The following CYP2C8 variants were observed in gnomAD, a reference collection of about 807,000 sequenced individuals.
CYP2C8 encodes cytochrome P450 2C8.
Under a neutral mutation model 41.3 loss-of-function variants are expected in CYP2C8, and 51 were observed. The observed-to-expected ratio is 1.24, with a 90% CI of 0.99 to 1.56. The LOEUF (loss-of-function observed/expected upper bound fraction) is 1.56, where lower values mean the gene tolerates loss of function less well. CYP2C8 is among the 40% of genes most tolerant of loss of function. CYP2C8 has a pLI of 0.00. For missense variants in CYP2C8, 651 were observed against 579.9 expected (o/e 1.12, Z -1.26); for synonymous variants, 218 against 205.8 (o/e 1.06, Z -0.51).
intron 2 of CYP2C8, 66 bp from the exon 3 acceptor site, chr10:95,067,423 G>A: frequency 6.2e-7 from 1 of 1,613,168 alleles, no homozygotes; most frequent in Non-Finnish European, 8.5e-7. Context: ...GCAACACTTG[G>A]CAGCCATGCA....
chr10:95,036,897 A>G lies in CYP2C8; in HGVS notation c.*231T>C, dbSNP rs910512752. 2 of 548,430 alleles carry G rather than the reference A, an allele frequency of 3.6e-6. No individual in the cohort carries two copies. Among genetic ancestry groups the G allele is most frequent in the Non-Finnish European group, 6.6e-6 (2 of 305,214 alleles). The allele number at this position is 548,430 out of a possible 1,614,324, so 34.0% of individuals were successfully genotyped here. A position where few individuals can be genotyped will look rare whatever the true frequency, so the allele number is the denominator to read the frequency against. On this transcript the variant is annotated 3_prime_UTR_variant, in exon 9 of 9. Transcript: ENST00000371270. ...CATATTAAAAAGTCAGCATTAGAAA[A>G]GTATTAGCATATGCAGCAATTAATA...
intron 8 of CYP2C8, among the ~76,000 whole-genome samples, chr10:95,038,479 G>C (rs1227284450): frequency 6.6e-6 from 1 of 152,166 alleles, no homozygotes; most frequent in Non-Finnish European, 1.5e-5. Flanking sequence ...TGTTCTCATT[G>C]AAAGTTGTGC....
chr10:95,065,329 C>T (rs1015769195), intron 3 of CYP2C8, among the ~76,000 whole-genome samples: 3 of 152,032 alleles, frequency 2.0e-5, no homozygotes, highest in African/African-American at 4.8e-5. Context: ...CAATAAAACA[C>T]AGAGATAGGA....
intron 4 of CYP2C8, among the ~76,000 whole-genome samples, 196 bp from the exon 5 acceptor site, chr10:95,058,707 A>G (rs921747224): frequency 6.6e-6 from 1 of 152,166 alleles, no homozygotes; most frequent in African/African-American, 2.4e-5. Flanking sequence ...GGTTTGTCAC[A>G]TATGTATACA....
intron 7 of CYP2C8, among the ~76,000 whole-genome samples, chr10:95,040,755 G>GA (rs888134182): frequency 6.6e-6 from 1 of 152,140 alleles, no homozygotes; most frequent in African/African-American, 2.4e-5. Flanking sequence ...ATACATTCTG[G>GA]AAAAAGATAA....
At chr10:95,056,626 G>C (rs1038079681) in intron 5 of CYP2C8, among the ~76,000 whole-genome samples, 9 of 152,150 alleles carry the variant, frequency 5.9e-5, no homozygotes, top group Admixed American at 4.6e-4. Context: ...ATATCATTAT[G>C]CTAAGTGAAA....
chr10:95,057,327 T>G (rs1474205121), intron 5 of CYP2C8, among the ~76,000 whole-genome samples: 1 of 152,186 alleles, frequency 6.6e-6, no homozygotes, highest in Non-Finnish European at 1.5e-5. Context: ...AAGTGTACAC[T>G]TTAAATTGGG....
intron 1 of CYP2C8, chr10:95,068,590 C>A: frequency 1.9e-5 from 24 of 1,288,650 alleles, no homozygotes; most frequent in Non-Finnish European, 2.3e-5. Flanking sequence ...TAATCACACA[C>A]ACTTCCCTTC....
chr10:95,059,997 G>T (rs36180793), intron 4 of CYP2C8, among the ~76,000 whole-genome samples: 1 of 151,884 alleles, frequency 6.6e-6, no homozygotes, highest in East Asian at 1.9e-4. Context: ...TGTTCCATTG[G>T]TCTATATCTC....
chr10:95,060,319 T>A (rs2033401038), intron 4 of CYP2C8, among the ~76,000 whole-genome samples: 1 of 152,206 alleles, frequency 6.6e-6, no homozygotes, highest in Non-Finnish European at 1.5e-5. Context: ...TTTATTTTGT[T>A]GAGCAGTTGT....
At chr10:95,068,555 T>C in intron 1 of CYP2C8, 1 of 1,266,202 alleles carries the variant, frequency 7.9e-7, no homozygotes, top group Non-Finnish European at 1.0e-6. Flanking sequence ...ACTACTATAG[T>C]AGAGAACTTA....
chr10:95,064,996 A>G (rs1260998597), intron 3 of CYP2C8, 36 bp from the exon 4 acceptor site: 2 of 1,381,516 alleles, frequency 1.4e-6, no homozygotes, highest in Non-Finnish European at 9.5e-7. Context: ...AATTATTAAA[A>G]AATAAATATT....
At chr10:95,041,134 T>G (rs193089188) in intron 7 of CYP2C8, among the ~76,000 whole-genome samples, 2 of 152,182 alleles carry the variant, frequency 1.3e-5, no homozygotes, top group African/African-American at 4.8e-5. Context: ...GAGAATCAAT[T>G]TGATAAAATT....
At chr10:95,050,130 C>T (rs185725169) in intron 5 of CYP2C8, among the ~76,000 whole-genome samples, 1 of 152,106 alleles carries the variant, frequency 6.6e-6, no homozygotes, top group African/African-American at 2.4e-5. Context: ...TGTACAGGGT[C>T]TGTATTCTGC....
chr10:95,047,032 G>A (rs2033122405), intron 5 of CYP2C8, among the ~76,000 whole-genome samples: 1 of 152,156 alleles, frequency 6.6e-6, no homozygotes, highest in African/African-American at 2.4e-5. Flanking sequence ...CTGATAATAA[G>A]TGAGTTCACA....
chr10:95,056,914 A>G (rs1335061984), intron 5 of CYP2C8, among the ~76,000 whole-genome samples: 6 of 152,180 alleles, frequency 3.9e-5, no homozygotes, highest in Non-Finnish European at 5.9e-5. Context: ...ACTCAGAGGT[A>G]GAAGAAAACA....
intron 5 of CYP2C8, among the ~76,000 whole-genome samples, chr10:95,052,055 A>G (rs1473858295): frequency 6.6e-6 from 1 of 152,120 alleles, no homozygotes; most frequent in Non-Finnish European, 1.5e-5. Flanking sequence ...AAGAAAGCTG[A>G]CAAACCTTTA....
chr10:95,044,247 G>T (rs1479116471), intron 6 of CYP2C8, among the ~76,000 whole-genome samples: 1 of 152,142 alleles, frequency 6.6e-6, no homozygotes, highest in Non-Finnish European at 1.5e-5. Flanking sequence ...AAAATTTGTA[G>T]CAACCATGTA....
intron 5 of CYP2C8, among the ~76,000 whole-genome samples, chr10:95,049,018 A>G (rs1239220614): frequency 6.6e-6 from 1 of 152,200 alleles, no homozygotes; most frequent in African/African-American, 2.4e-5. Flanking sequence ...AATGACAAGC[A>G]GAGTAAACAT....
Sources: gnomAD v4.1 joint callset for allele counts (sites outside exome capture counted in the v4.1 genomes callset) on GRCh38, gnomAD v4.1.1 for gene constraint, MANE v1.5 for transcripts, NCBI Gene and HGNC (gene_info 2026-07-23, HGNC 2026-07-21) for gene names.